SORCS3: variants seen among roughly 807,000 people sequenced by gnomAD.
The protein encoded by SORCS3 is VPS10 domain-containing receptor SorCS3.
A neutral mutation model predicts 146.3 loss-of-function variants in SORCS3; 57 were observed. That is an observed-to-expected ratio of 0.39 (90% CI 0.31 to 0.49). SORCS3 has a LOEUF of 0.49. Among genes scored for constraint, SORCS3 ranks in the 20% least tolerant of loss-of-function variants. The probability of loss-of-function intolerance (pLI) is 0.92; values close to 1 mark genes in which losing one functional copy is unlikely to be tolerated. For missense variants in SORCS3, 1,341 were observed against 1,575.5 expected (o/e 0.85, Z 2.52); for synonymous variants, 653 against 618.5 (o/e 1.06, Z -0.83).
chr10:104,712,924 C>T lies in SORCS3; in HGVS notation c.627+70970C>T, dbSNP rs140125747. ...AGTCAGTAAACAAAATAAATTATTCCGTATGTTAGAAAATGCTATGGAGAA... is the reference window on the plus strand; with the variant it reads ...AGTCAGTAAACAAAATAAATTATTCTGTATGTTAGAAAATGCTATGGAGAA... On this transcript the variant is annotated intron_variant, in intron 1 of 26. Transcript: ENST00000369701. Among the ~76,000 whole-genome samples, 355 of 152,126 alleles carry T rather than the reference C, an allele frequency of 2.3e-3. 2 individuals carry two copies. Among genetic ancestry groups the T allele is most frequent in the African/African-American group, 7.6e-3 (316 of 41,494 alleles).
intron 2 of SORCS3, among the ~76,000 whole-genome samples, chr10:104,847,731 G>T (rs1296702892): frequency 6.6e-6 from 1 of 152,078 alleles, no homozygotes; most frequent in Non-Finnish European, 1.5e-5. Flanking sequence ...GTAGACCTTG[G>T]TTCTTCACCT....
intron 25 of SORCS3, among the ~76,000 whole-genome samples, chr10:105,261,557 A>G (rs1188767962): frequency 1.3e-5 from 2 of 152,206 alleles, no homozygotes; most frequent in South Asian, 2.1e-4. Context: ...CCCTGGATTA[A>G]AGGAATGCAA....
Position 105,140,798 on chromosome 10 carries a change from G to C in SORCS3, c.1302+1312G>C, listed in dbSNP as rs201065277. Among the ~76,000 whole-genome samples the C allele has an allele frequency of 6.6e-5, 10 of 152,080 alleles. No individual in the cohort carries two copies. The East Asian group carries it at 1.9e-3, about 29-fold the overall frequency. ...TTTTAAGTAGCTTCAGGGGCAATGG[G>C]AACCAATTTCTCATTTTATCTACCC... On this transcript the variant is annotated intron_variant, in intron 8 of 26. Transcript: ENST00000369701.
intron 14 of SORCS3, among the ~76,000 whole-genome samples, chr10:105,181,800 C>T (rs892794417): frequency 6.6e-6 from 1 of 152,176 alleles, no homozygotes; most frequent in African/African-American, 2.4e-5. Context: ...CAGTCTCAGG[C>T]AGTGGCTCTC....
intron 5 of SORCS3, among the ~76,000 whole-genome samples, chr10:105,070,876 C>A (rs1374804359): frequency 6.6e-6 from 1 of 152,194 alleles, no homozygotes; most frequent in Non-Finnish European, 1.5e-5. Context: ...CCTTCCCAGG[C>A]TTTCTAGAAT....
intron 14 of SORCS3, among the ~76,000 whole-genome samples, chr10:105,195,243 C>G (rs1363845062): frequency 6.6e-6 from 1 of 151,072 alleles, no homozygotes; most frequent in Admixed American, 6.6e-5. Flanking sequence ...CTCTCCTTAA[C>G]TTAAGAGGAG....
chr10:105,060,022 G>T (rs1393670408), intron 5 of SORCS3, among the ~76,000 whole-genome samples: 3 of 152,216 alleles, frequency 2.0e-5, no homozygotes, highest in Non-Finnish European at 4.4e-5. Context: ...ACAAAGACAA[G>T]TTGAGACAAC....
chr10:105,243,668 C>A, intron 20 of SORCS3, among the ~76,000 whole-genome samples: 1 of 152,186 alleles, frequency 6.6e-6, no homozygotes. Context: ...AGGAGTATAT[C>A]CCTTTCCATA....
chr10:105,122,506 G>A (rs1422574476), intron 7 of SORCS3, among the ~76,000 whole-genome samples: 1 of 152,156 alleles, frequency 6.6e-6, no homozygotes, highest in East Asian at 1.9e-4. Flanking sequence ...CAGAGGTATT[G>A]ATTGACTGAC....
At chr10:104,798,900 C>G (rs548857911) in intron 1 of SORCS3, among the ~76,000 whole-genome samples, 1 of 152,276 alleles carries the variant, frequency 6.6e-6, no homozygotes, top group Non-Finnish European at 1.5e-5. Context: ...TGAATAGACA[C>G]TTCTCAAAAG....
intron 1 of SORCS3, among the ~76,000 whole-genome samples, chr10:104,763,785 T>C (rs567188091): frequency 6.6e-6 from 1 of 152,310 alleles, no homozygotes; most frequent in African/African-American, 2.4e-5. Context: ...AGGAAGGTAA[T>C]TGAGTCATGG....
chr10:104,928,185 A>G (rs545726320), intron 3 of SORCS3, among the ~76,000 whole-genome samples: 217 of 152,312 alleles, frequency 1.4e-3, no homozygotes, highest in African/African-American at 5.0e-3. Context: ...GACTCAGGGC[A>G]GAAGGACCTG....
chr10:104,754,015 G>A (rs1422305628), intron 1 of SORCS3, among the ~76,000 whole-genome samples: 1 of 152,178 alleles, frequency 6.6e-6, no homozygotes, highest in Non-Finnish European at 1.5e-5. Flanking sequence ...AGTGAAATTT[G>A]CACTGGGCCA....
At chr10:105,155,887 ATTTG>A (rs769694001) in intron 9 of SORCS3, among the ~76,000 whole-genome samples, 3 of 152,088 alleles carry the variant, frequency 2.0e-5, no homozygotes, top group African/African-American at 4.8e-5. Context: ...TTCTCTGTCC[ATTTG>A]TTTGTTTGTT....
At chr10:104,855,606 C>T (rs2018321847) in intron 2 of SORCS3, among the ~76,000 whole-genome samples, 1 of 152,116 alleles carries the variant, frequency 6.6e-6, no homozygotes, top group Non-Finnish European at 1.5e-5. Context: ...TGTTTAATTT[C>T]AGTTTTCACA....
chr10:104,792,991 A>C (rs2017512476), intron 1 of SORCS3, among the ~76,000 whole-genome samples: 1 of 152,174 alleles, frequency 6.6e-6, no homozygotes, highest in Non-Finnish European at 1.5e-5. Context: ...GAAGGAGAGG[A>C]GCCTTGGAAT....
intron 5 of SORCS3, among the ~76,000 whole-genome samples, chr10:105,077,521 A>AACACACACACACACAC (rs60182481): frequency 1.7e-5 from 2 of 116,582 alleles, no homozygotes; most frequent in African/African-American, 3.2e-5. Context: ...GACTAAATTA[A>AACACACACACACACAC]ACACACACAC....
intron 1 of SORCS3, among the ~76,000 whole-genome samples, chr10:104,675,976 T>C (rs888854392): frequency 1.3e-5 from 2 of 152,208 alleles, no homozygotes; most frequent in African/African-American, 4.8e-5. Flanking sequence ...TTTTCCTTAA[T>C]TTCTCTCAGC....
At chr10:105,051,792 A>G (rs903845526) in intron 5 of SORCS3, among the ~76,000 whole-genome samples, 2 of 152,162 alleles carry the variant, frequency 1.3e-5, no homozygotes, top group Non-Finnish European at 2.9e-5. Flanking sequence ...TATGCTACAA[A>G]TAATATTTAA....
Sources: allele counts gnomAD v4.1 joint callset (sites outside exome capture counted in the v4.1 genomes callset), GRCh38; gene constraint gnomAD v4.1.1; transcripts MANE v1.5; gene names NCBI Gene and HGNC (gene_info 2026-07-23, HGNC 2026-07-21).